The following SLIT3 variants were observed in gnomAD, a reference collection of about 807,000 sequenced individuals.
SLIT3 encodes the protein slit homolog 3 protein.
Under a neutral mutation model 184.0 loss-of-function variants are expected in SLIT3, and 68 were observed. That is an observed-to-expected ratio of 0.37 (90% confidence interval 0.30 to 0.45). The LOEUF (loss-of-function observed/expected upper bound fraction) is 0.45, where lower values mean the gene tolerates loss of function less well. Ranked by LOEUF, SLIT3 falls within the 20% of genes least tolerant of loss-of-function variation. SLIT3 has a pLI of 1.00. For missense variants in SLIT3, 1,707 were observed against 2,026.0 expected, an observed-to-expected ratio of 0.84 and a Z score of 3.02; for synonymous variants, 831 against 828.6, an observed-to-expected ratio of 1.00 and a Z score of -0.05.
At chr5:169,049,102 A>G (rs1180002959) in intron 4 of SLIT3, among the ~76,000 whole-genome samples, 2 of 152,222 alleles carry the variant, frequency 1.3e-5, no homozygotes, top group Admixed American at 6.5e-5. Context: ...AGGCAGGGCC[A>G]TTACCCATGT....
intron 5 of SLIT3, among the ~76,000 whole-genome samples, chr5:168,852,249 G>A (rs1299754255): frequency 6.6e-6 from 1 of 152,180 alleles, no homozygotes; most frequent in Non-Finnish European, 1.5e-5. Flanking sequence ...TTTTGTTAAC[G>A]GGCATGAAAA....
At chr5:168,950,508 G>A (rs1372721949) in intron 4 of SLIT3, among the ~76,000 whole-genome samples, 1 of 152,208 alleles carries the variant, frequency 6.6e-6, no homozygotes, top group Non-Finnish European at 1.5e-5. Context: ...CACAGTCTCT[G>A]TTGCCACTCA....
intron 4 of SLIT3, among the ~76,000 whole-genome samples, chr5:168,891,642 G>A (rs1165146430): frequency 2.6e-5 from 4 of 152,182 alleles, no homozygotes; most frequent in African/African-American, 7.2e-5. Flanking sequence ...TGAGGTCCAA[G>A]CACTATGGAG....
chr5:169,000,603 C>T (rs1003377404), intron 4 of SLIT3, among the ~76,000 whole-genome samples: 1 of 151,930 alleles, frequency 6.6e-6, no homozygotes, highest in South Asian at 2.1e-4. Flanking sequence ...ATAACAAAAA[C>T]TTAAGGGTGT....
chr5:168,666,589 A>G lies in SLIT3; in HGVS notation c.4437T>C (p.Arg1479=). The change falls in exon 36 of 36, where the codon CGT becomes CGC. Residue 1479 remains arginine, a synonymous_variant. Coordinates refer to ENST00000519560, the MANE Select transcript of SLIT3 (RefSeq NM_003062.4). ...TASKVPIMEC[R]GGCGPQCCQP... is the part of the protein sequence containing the mutation. ...GGCAGCACTGGGGCCCACAGCCCCC[A>G]CGACATTCCATGATGGGCACCTTGG... The G allele has an allele frequency of 6.2e-7, 1 of 1,614,200 alleles. No individual in the cohort carries two copies. The highest frequency in any genetic ancestry group is 1.1e-5 in the South Asian group (1 of 91,086).
At chr5:168,772,433 G>A (rs77546310) in intron 14 of SLIT3, 3 of 276,776 alleles carry the variant, frequency 1.1e-5, no homozygotes, top group African/African-American at 4.5e-5. Flanking sequence ...CTTTGGAAAC[G>A]AAAAATATAA....
At chr5:168,733,432 T>C (rs1338366448) in intron 20 of SLIT3, among the ~76,000 whole-genome samples, 2 of 152,156 alleles carry the variant, frequency 1.3e-5, no homozygotes. Flanking sequence ...GCAACACCAC[T>C]ACTGGGTAAA....
intron 4 of SLIT3, chr5:169,024,794 GA>G (rs1289837796): frequency 2.6e-5 from 4 of 152,194 alleles, no homozygotes; most frequent in African/African-American, 9.7e-5. Flanking sequence ...AGTGATGCAA[GA>G]AAGAGACAAA....
At chr5:169,090,720 T>C (rs576477857) in intron 4 of SLIT3, among the ~76,000 whole-genome samples, 2 of 152,200 alleles carry the variant, frequency 1.3e-5, no homozygotes, top group African/African-American at 4.8e-5. Context: ...GAAAAGGCAA[T>C]GTGAAGACAA....
chr5:168,940,539 T>C (rs772558664), intron 4 of SLIT3, among the ~76,000 whole-genome samples: 8 of 152,136 alleles, frequency 5.3e-5, no homozygotes, highest in Non-Finnish European at 1.2e-4. Context: ...TTAGAGCAAC[T>C]AGAGTCTTCA....
intron 20 of SLIT3, among the ~76,000 whole-genome samples, chr5:168,732,106 A>T (rs946279698): frequency 6.6e-6 from 1 of 152,194 alleles, no homozygotes; most frequent in African/African-American, 2.4e-5. Context: ...GTTTCAGGCT[A>T]CAAAATTAAT....
At chr5:169,137,434 G>A (rs1014859265) in intron 4 of SLIT3, among the ~76,000 whole-genome samples, 18 of 151,840 alleles carry the variant, frequency 1.2e-4, no homozygotes, top group African/African-American at 4.4e-4. Flanking sequence ...TCAGGGGGCT[G>A]GTAACTTATT....
In SLIT3 at chr5:168,748,411, G is replaced by C. The variant is rs751199401; in HGVS notation, c.2161C>G (p.Leu721Val). The change falls in exon 20 of 36, where the codon CTG (leucine) becomes GTG (valine). Residue 721 changes from leucine to valine, a missense_variant. By Grantham distance (32) the Leu-to-Val change is conservative. Coordinates refer to ENST00000519560, the MANE Select transcript of SLIT3 (RefSeq NM_003062.4). Reference protein sequence around the residue: ...CDGNEESSCQLSPRCPEQCTC... With the variant: ...CDGNEESSCQVSPRCPEQCTC... ...CACTGCTCCGGGCAGCGCGGGCTCAGCTGGCAGCTACTCTCCTCGTTGCCT... is the reference window on the plus strand; with the variant it reads ...CACTGCTCCGGGCAGCGCGGGCTCACCTGGCAGCTACTCTCCTCGTTGCCT... 8 of 1,523,958 alleles carry C rather than the reference G, an allele frequency of 5.2e-6. No homozygotes were observed. Among genetic ancestry groups the C allele is most frequent in the Non-Finnish European group, 7.0e-6 (8 of 1,147,738 alleles). 94.4% of individuals were successfully genotyped at this position (1,523,958 alleles called of 1,614,324 possible). A position where few individuals can be genotyped will look rare whatever the true frequency, so the allele number is the denominator to read the frequency against.
intron 33 of SLIT3, among the ~76,000 whole-genome samples, chr5:168,672,960 G>A (rs1246352628): frequency 1.3e-5 from 2 of 152,188 alleles, no homozygotes; most frequent in Non-Finnish European, 2.9e-5. Flanking sequence ...ACAACGTGTA[G>A]TTTCCAGGAG....
chr5:168,945,795 C>A (rs774861384), intron 4 of SLIT3, among the ~76,000 whole-genome samples: 2 of 152,346 alleles, frequency 1.3e-5, no homozygotes, highest in South Asian at 2.1e-4. Flanking sequence ...AGGCAGCCAG[C>A]GTCTTAGGGA....
chr5:169,088,084 A>G (rs1291652438), intron 4 of SLIT3, among the ~76,000 whole-genome samples: 3 of 152,218 alleles, frequency 2.0e-5, no homozygotes, highest in Admixed American at 2.0e-4. Context: ...AATTCTCTGC[A>G]TGGTAGCCAT....
chr5:169,261,457 C>A (rs922504926), intron 1 of SLIT3, among the ~76,000 whole-genome samples: 1 of 151,994 alleles, frequency 6.6e-6, no homozygotes, highest in African/African-American at 2.4e-5. Flanking sequence ...TTCTTCTTTT[C>A]TTTCCTTATT....
chr5:169,055,625 G>C (rs922955639), intron 4 of SLIT3, among the ~76,000 whole-genome samples: 1 of 152,178 alleles, frequency 6.6e-6, no homozygotes, highest in Admixed American at 6.5e-5. Flanking sequence ...GTGGATCATA[G>C]GTCAAGAGAT....
intron 4 of SLIT3, among the ~76,000 whole-genome samples, chr5:169,153,444 G>A (rs1037076070): frequency 2.0e-5 from 3 of 152,224 alleles, no homozygotes; most frequent in Admixed American, 6.5e-5. Context: ...ATTACAACCT[G>A]TAAACTGTGG....
Sources: gnomAD v4.1 joint callset for allele counts (sites outside exome capture counted in the v4.1 genomes callset) on GRCh38, gnomAD v4.1.1 for gene constraint, MANE v1.5 for transcripts, NCBI Gene and HGNC (gene_info 2026-07-23, HGNC 2026-07-21) for gene names.